RAI14: variants seen among roughly 807,000 people sequenced by gnomAD.
The protein encoded by RAI14 is ankycorbin.
A neutral mutation model predicts 115.4 loss-of-function variants in RAI14; 45 were observed. The ratio of observed to expected loss-of-function variants is 0.39; its 90% CI spans 0.31 to 0.50. The LOEUF is 0.50. RAI14 is among the 20% of genes least tolerant of loss of function. RAI14 has a pLI of 0.85. For synonymous variants in RAI14, 371 were observed against 415.4 expected, an observed-to-expected ratio of 0.89 and a Z score of 1.30; for missense variants, 939 against 1,131.2, an observed-to-expected ratio of 0.83 and a Z score of 2.44.
At chr5:34,730,962 C>T (rs1580060828) in intron 2 of RAI14, among the ~76,000 whole-genome samples, 1 of 152,210 alleles carries the variant, frequency 6.6e-6, no homozygotes. Flanking sequence ...CCAGCCTGGG[C>T]AACAAGAGTG....
At chr5:34,699,344 C>T (rs1279050425) in intron 2 of RAI14, among the ~76,000 whole-genome samples, 1 of 152,140 alleles carries the variant, frequency 6.6e-6, no homozygotes, top group Non-Finnish European at 1.5e-5. Context: ...GTGGCTTAAA[C>T]CAGAGGTCAG....
intron 1 of RAI14, among the ~76,000 whole-genome samples, chr5:34,678,099 G>GTTTTTTT (rs1561229790): frequency 8.1e-6 from 1 of 123,636 alleles, no homozygotes. Flanking sequence ...ATTTTGTTTT[G>GTTTTTTT]TTTTGTTTTT....
chr5:34,823,015 A>C lies in RAI14; in HGVS notation c.1173A>C (p.Gln391His). The C allele has an allele frequency of 6.2e-7, 1 of 1,613,752 alleles. No homozygotes were observed. Residue 391 changes from glutamine to histidine, a missense_variant, in exon 15 of 18, where the codon CAA becomes CAC. Transcript: ENST00000265109. This position sits in a 1 kb window ranked among gnomAD's most constrained non-coding sequence, Gnocchi z 4.5. ...GCTTTGACTCATACCATTCCACCCAAACTGACTTGGGCCCATCCCTGGGAA... is the reference window on the plus strand; with the variant it reads ...GCTTTGACTCATACCATTCCACCCACACTGACTTGGGCCCATCCCTGGGAA... Reference protein sequence around the residue: ...DLSFDSYHSTQTDLGPSLGKP... With the variant: ...DLSFDSYHSTHTDLGPSLGKP...
intron 1 of RAI14, among the ~76,000 whole-genome samples, chr5:34,673,075 A>G (rs1743733553): frequency 6.6e-6 from 1 of 152,166 alleles, no homozygotes; most frequent in Admixed American, 6.5e-5. Flanking sequence ...CAGCTGTTAC[A>G]GTGGCTTTTT....
intron 3 of RAI14, among the ~76,000 whole-genome samples, chr5:34,771,008 T>G (rs1750083515): frequency 6.6e-6 from 1 of 152,210 alleles, no homozygotes; most frequent in South Asian, 2.1e-4. Flanking sequence ...GGGAAAGTTG[T>G]TATGTACCAT....
intron 17 of RAI14, among the ~76,000 whole-genome samples, chr5:34,830,298 TGAG>T (rs1023272539): frequency 1.7e-4 from 26 of 152,206 alleles, no homozygotes; most frequent in African/African-American, 6.3e-4. Context: ...CATCATTTAT[TGAG>T]GAATGAGGGA....
At chr5:34,746,263 G>T (rs551966647) in intron 2 of RAI14, among the ~76,000 whole-genome samples, 2 of 151,006 alleles carry the variant, frequency 1.3e-5, no homozygotes, top group Admixed American at 1.3e-4. Flanking sequence ...CTGCCACCAT[G>T]CCCGGCTAAT....
intron 3 of RAI14, among the ~76,000 whole-genome samples, chr5:34,789,115 G>T (rs1010948465): frequency 6.6e-6 from 1 of 152,186 alleles, no homozygotes; most frequent in African/African-American, 2.4e-5. Flanking sequence ...CACCAGTCAT[G>T]CTCTTAATGA....
At chr5:34,756,801 C>T (rs960573721) in intron 2 of RAI14, among the ~76,000 whole-genome samples, 2 of 152,190 alleles carry the variant, frequency 1.3e-5, no homozygotes, top group African/African-American at 4.8e-5. Flanking sequence ...CTTACTGTTA[C>T]TGTGGTTTGC....
chr5:34,663,186 A>G lies in RAI14; in HGVS notation c.-49+6711A>G, dbSNP rs532493816. Among the ~76,000 whole-genome samples, 12 of 152,300 alleles carry G rather than the reference A, an allele frequency of 7.9e-5. No homozygotes were observed. The South Asian group carries it at 2.5e-3, about 32-fold the overall frequency. On this transcript the variant is annotated intron_variant, in intron 1 of 17. Transcript: ENST00000265109. ...TAGCCTCGTCTTTGACATCAGGCCC[A>G]CTGAGAGATATCAGCAAATCTAATC...
At chr5:34,722,605 G>C (rs1264646194) in intron 2 of RAI14, among the ~76,000 whole-genome samples, 1 of 152,166 alleles carries the variant, frequency 6.6e-6, no homozygotes, top group East Asian at 1.9e-4. Flanking sequence ...CAGCACTTTG[G>C]GAGGCTGAGG....
chr5:34,726,069 A>AAATATTG (rs1743428015), intron 2 of RAI14, among the ~76,000 whole-genome samples: 1 of 151,998 alleles, frequency 6.6e-6, no homozygotes, highest in Non-Finnish European at 1.5e-5. Flanking sequence ...ACGTTATACT[A>AAATATTG]GTATTTTGTA....
intron 1 of RAI14, among the ~76,000 whole-genome samples, chr5:34,677,072 A>C (rs1744030611): frequency 6.6e-6 from 1 of 152,210 alleles, no homozygotes; most frequent in African/African-American, 2.4e-5. Flanking sequence ...GTAATCATAA[A>C]GCAGCTTTGT....
intron 2 of RAI14, among the ~76,000 whole-genome samples, chr5:34,752,923 G>A (rs866197903): frequency 3.3e-5 from 5 of 151,572 alleles, no homozygotes; most frequent in East Asian, 1.9e-4. Flanking sequence ...ACGAGCCACC[G>A]TGCCCAGTCC....
intron 2 of RAI14, among the ~76,000 whole-genome samples, chr5:34,691,355 C>T (rs1324525752): frequency 6.6e-6 from 1 of 152,124 alleles, no homozygotes; most frequent in African/African-American, 2.4e-5. Flanking sequence ...GATAGATTGA[C>T]TTTTATGCTT....
In RAI14 at chr5:34,829,802, G is replaced by C; in HGVS notation, c.2865+5G>C. The C allele has an allele frequency of 6.2e-7, 1 of 1,603,886 alleles. No homozygotes were observed. The highest frequency in any genetic ancestry group is 8.5e-7 in the Non-Finnish European group (1 of 1,174,050). On this transcript the variant is annotated splice_donor_5th_base_variant and intron_variant, in intron 17 of 17. Transcript: ENST00000265109. ...CATCTTCTGTATGCTGTGCAGGTAT[G>C]GTTATGCCCCTTGAAGTATCTGGAC... is the stretch of plus-strand genomic sequence containing the variant.
chr5:34,725,729 G>A (rs1289800144), intron 2 of RAI14, among the ~76,000 whole-genome samples: 1 of 152,008 alleles, frequency 6.6e-6, no homozygotes, highest in Non-Finnish European at 1.5e-5. Flanking sequence ...ACTTTGGGAG[G>A]CTGAGGTGGG....
At chr5:34,813,703 G>A (rs768107787) in intron 11 of RAI14, 43 bp downstream of exon 11, 2 of 1,481,600 alleles carry the variant, frequency 1.3e-6, no homozygotes, top group African/African-American at 2.8e-5. Context: ...CGCACCACAA[G>A]AAAGCCATAA....
chr5:34,658,065 G>A (rs553718972), intron 1 of RAI14, among the ~76,000 whole-genome samples: 3 of 152,280 alleles, frequency 2.0e-5, no homozygotes, highest in Non-Finnish European at 4.4e-5. Flanking sequence ...GAGCTATCCC[G>A]TGCTGGGCTG....
Sources: gnomAD v4.1 joint callset for allele counts (sites outside exome capture counted in the v4.1 genomes callset) on GRCh38, gnomAD v4.1.1 for gene constraint, Gnocchi (gnomAD v3.1) non-coding constraint, MANE v1.5 for transcripts, NCBI Gene and HGNC (gene_info 2026-07-23, HGNC 2026-07-21) for gene names.